The following NLGN1 variants were observed in gnomAD, a reference collection of about 807,000 sequenced individuals.
NLGN1 encodes the protein neuroligin-1.
Under a neutral mutation model 65.5 loss-of-function variants are expected in NLGN1, and 12 were observed. That is an observed-to-expected ratio of 0.18 (90% confidence interval 0.12 to 0.30). The LOEUF is 0.30. Among genes scored for constraint, NLGN1 ranks in the 10% least tolerant of loss-of-function variants. The probability of loss-of-function intolerance (pLI) is 1.00; values close to 1 mark genes in which losing one functional copy is unlikely to be tolerated. For missense variants in NLGN1, 750 were observed against 1,007.1 expected, an observed-to-expected ratio of 0.74 and a Z score of 3.46; for synonymous variants, 350 against 359.5, an observed-to-expected ratio of 0.97 and a Z score of 0.30.
At chr3:173,410,143 T>C (rs1712206316) in intron 1 of NLGN1, among the ~76,000 whole-genome samples, 1 of 152,202 alleles carries the variant, frequency 6.6e-6, no homozygotes, top group Non-Finnish European at 1.5e-5. Context: ...CTGTAAAAAA[T>C]ACACTGAGAG....
chr3:173,433,089 G>T (rs73883136), intron 1 of NLGN1, among the ~76,000 whole-genome samples: 2 of 151,950 alleles, frequency 1.3e-5, no homozygotes, highest in South Asian at 2.1e-4. Flanking sequence ...CAACATTTTT[G>T]TGTTAATGAG....
chr3:174,053,792 G>A (rs1735444093), intron 4 of NLGN1, among the ~76,000 whole-genome samples: 1 of 151,776 alleles, frequency 6.6e-6, no homozygotes, highest in South Asian at 2.1e-4. Flanking sequence ...TTCCTTGGGT[G>A]TCTAGTTATT....
At chr3:174,068,275 A>T (rs146585098) in intron 4 of NLGN1, among the ~76,000 whole-genome samples, 3 of 152,092 alleles carry the variant, frequency 2.0e-5, no homozygotes, top group African/African-American at 7.2e-5. Flanking sequence ...ATACATAGGT[A>T]TCCATAGGAA....
At chr3:173,693,754 AAAG>A (rs143966247) in intron 3 of NLGN1, among the ~76,000 whole-genome samples, 2 of 152,194 alleles carry the variant, frequency 1.3e-5, no homozygotes, top group African/African-American at 2.4e-5. Flanking sequence ...GAAAAATAAA[AAAG>A]AAGGTTAATT....
chr3:173,425,846 A>C (rs1160002708), intron 1 of NLGN1, among the ~76,000 whole-genome samples: 1 of 152,056 alleles, frequency 6.6e-6, no homozygotes, highest in Non-Finnish European at 1.5e-5. Flanking sequence ...AATTTTAAGA[A>C]ATTTTTTTCT....
In NLGN1 at chr3:174,246,743, ATT is replaced by A. The variant is rs35025251; in HGVS notation, c.647-28562_647-28561del. On this transcript the variant is annotated intron_variant, in intron 4 of 6. Transcript: ENST00000457714. ...TCCTAATTCCATTTTTAATAAAGCT[ATT>A]TTTTTTTTTGAAGCTTAGAGGAAAT... is the stretch of plus-strand genomic sequence containing the variant. Among the ~76,000 whole-genome samples, 941 of 150,360 alleles carry A rather than the reference ATT, an allele frequency of 6.3e-3. 7 individuals carry two copies. Among genetic ancestry groups the A allele is most frequent in the African/African-American group, 0.018 (748 of 41,054 alleles).
At chr3:174,110,994 C>T (rs1715096598) in intron 4 of NLGN1, among the ~76,000 whole-genome samples, 1 of 151,958 alleles carries the variant, frequency 6.6e-6, no homozygotes, top group Non-Finnish European at 1.5e-5. Flanking sequence ...TATTTATCGT[C>T]AGTCCTTATA....
intron 4 of NLGN1, among the ~76,000 whole-genome samples, chr3:174,251,405 T>G (rs188589202): frequency 6.6e-6 from 1 of 152,310 alleles, no homozygotes; most frequent in Admixed American, 6.5e-5. Context: ...AGTAACTTTG[T>G]GCAAATTAGA....
intron 1 of NLGN1, among the ~76,000 whole-genome samples, chr3:173,424,247 G>A (rs1715686628): frequency 1.3e-5 from 2 of 152,128 alleles, no homozygotes; most frequent in Non-Finnish European, 2.9e-5. Context: ...TAGGCCTCTG[G>A]GTCTGTCATG....
intron 2 of NLGN1, among the ~76,000 whole-genome samples, chr3:173,478,580 T>C (rs114460301): frequency 1.4e-3 from 208 of 152,240 alleles, no homozygotes; most frequent in African/African-American, 4.8e-3. Flanking sequence ...TTTTTTACAA[T>C]GAACAATGTC....
At chr3:173,455,477 A>G (rs1013351586) in intron 2 of NLGN1, among the ~76,000 whole-genome samples, 2 of 152,186 alleles carry the variant, frequency 1.3e-5, no homozygotes, top group African/African-American at 2.4e-5. Context: ...TCCAAACCAT[A>G]TCAATCAGTG....
intron 3 of NLGN1, among the ~76,000 whole-genome samples, chr3:173,669,399 C>T (rs1452629230): frequency 2.0e-5 from 3 of 152,192 alleles, no homozygotes; most frequent in African/African-American, 4.8e-5. Context: ...TTTGAATGCA[C>T]TAAGAAAAGA....
At chr3:173,537,092 T>C (rs1178500006) in intron 2 of NLGN1, among the ~76,000 whole-genome samples, 3 of 152,186 alleles carry the variant, frequency 2.0e-5, no homozygotes, top group African/African-American at 7.2e-5. Context: ...TAATCTGTGT[T>C]ACTGAGTCCA....
At chr3:174,283,728 A>C (rs1751805585) in exon 7 of NLGN1, 1 of 151,434 alleles carries the variant, frequency 6.6e-6, no homozygotes, top group Non-Finnish European at 1.5e-5. Context: ...TCTCTGTTAG[A>C]AGCAAAAGTC....
intron 3 of NLGN1, among the ~76,000 whole-genome samples, chr3:173,652,826 T>C (rs1370617085): frequency 6.6e-6 from 1 of 152,204 alleles, no homozygotes; most frequent in Non-Finnish European, 1.5e-5. Flanking sequence ...ATCTGTAGAT[T>C]GCTTTAGGCA....
intron 1 of NLGN1, among the ~76,000 whole-genome samples, chr3:173,432,910 A>G (rs1190443259): frequency 6.6e-6 from 1 of 152,026 alleles, no homozygotes; most frequent in African/African-American, 2.4e-5. Flanking sequence ...CTATGTGGGA[A>G]CCACTCCCCC....
chr3:174,211,878 C>T (rs1024709880), intron 4 of NLGN1, among the ~76,000 whole-genome samples: 2 of 152,234 alleles, frequency 1.3e-5, no homozygotes, highest in Admixed American at 6.5e-5. Flanking sequence ...TCTCCACATC[C>T]CCACCAGACT....
At position 173,655,662 on chromosome 3, in the gene NLGN1, T is replaced by TCAGG. The variant is rs559768547; in HGVS notation, c.493+50572_493+50575dup. 3.1e-4 allele frequency among the ~76,000 whole-genome samples: 47 copies of TCAGG among 152,202 alleles called. No homozygotes were observed. In the East Asian group the frequency reaches 9.1e-3, roughly 29 times the overall value. On this transcript the variant is annotated intron_variant, in intron 3 of 6. Transcript: ENST00000457714. ...GATGAATTTGTTTATTTCTTATTTC[T>TCAGG]CAGGTGTATTTATTTATACTTTGTA...
intron 4 of NLGN1, among the ~76,000 whole-genome samples, chr3:173,883,285 G>A (rs897472009): frequency 3.3e-5 from 5 of 152,178 alleles, no homozygotes; most frequent in African/African-American, 9.6e-5. Flanking sequence ...GTCTCAAAAG[G>A]AGGCGAGAGA....
Sources: allele counts gnomAD v4.1 joint callset (sites outside exome capture counted in the v4.1 genomes callset), GRCh38; gene constraint gnomAD v4.1.1; transcripts MANE v1.5; gene names NCBI Gene and HGNC (gene_info 2026-07-23, HGNC 2026-07-21).